The following ASZ1 variants were observed in gnomAD, a reference collection of about 807,000 sequenced individuals.
ASZ1 encodes ankyrin repeat, SAM and basic leucine zipper domain-containing protein 1.
Under a neutral mutation model 61.8 loss-of-function variants are expected in ASZ1, and 67 were observed. That is an observed-to-expected ratio of 1.08 (90% CI 0.89 to 1.33). ASZ1 has a LOEUF of 1.33. Among genes scored for constraint, ASZ1 ranks in the 40% most tolerant of loss-of-function variants. The pLI is 0.00. For synonymous variants in ASZ1, 193 were observed against 192.7 expected, an observed-to-expected ratio of 1.00 and a Z score of -0.01; for missense variants, 577 against 554.5, an observed-to-expected ratio of 1.04 and a Z score of -0.41.
At chr7:117,389,228 T>C (rs1232754798) in intron 4 of ASZ1, among the ~76,000 whole-genome samples, 2 of 151,966 alleles carry the variant, frequency 1.3e-5, no homozygotes, top group Admixed American at 6.6e-5. Flanking sequence ...AATGGGTATA[T>C]TGTGTGTTGC....
chr7:117,382,033 T>G, intron 8 of ASZ1, 36 bp downstream of exon 8: 2 of 1,265,052 alleles, frequency 1.6e-6, no homozygotes, highest in South Asian at 2.4e-5. Context: ...AATTAACATA[T>G]ATGCATAACT....
At chr7:117,393,355 G>A (rs1051733726) in intron 4 of ASZ1, among the ~76,000 whole-genome samples, 23 of 151,974 alleles carry the variant, frequency 1.5e-4, no homozygotes, top group Non-Finnish European at 3.1e-4. Context: ...CTTCAAATAT[G>A]ATTATAGATT....
chr7:117,416,169 G>C (rs1796987799), intron 4 of ASZ1, among the ~76,000 whole-genome samples: 1 of 152,128 alleles, frequency 6.6e-6, no homozygotes, highest in Admixed American at 6.6e-5. Flanking sequence ...CTGAGTGACA[G>C]AGCGAGACTC....
chr7:117,391,379 T>A (rs1176545472), intron 4 of ASZ1, among the ~76,000 whole-genome samples: 2 of 152,152 alleles, frequency 1.3e-5, no homozygotes, highest in African/African-American at 2.4e-5. Context: ...ATTCTTTGCA[T>A]AGGGTAAGGT....
At position 117,426,851 on chromosome 7, in the gene ASZ1, C is replaced by G; in HGVS notation, c.190G>C (p.Glu64Gln). The change falls in exon 2 of 13, where the codon GAG (glutamate) becomes CAG (glutamine). Residue 64 changes from glutamate to glutamine, a missense_variant. Transcript: ENST00000284629. ...TATCTCTCACCAGAATCTAGGAGCT[C>G]CTGGACCAATGAAACATCTCCGATG... ...MTIGDVSLVQELLDSGISVDS... is the reference protein window; with the variant it reads ...MTIGDVSLVQQLLDSGISVDS... 2 of 1,612,846 alleles carry G rather than the reference C, an allele frequency of 1.2e-6. No individual in the cohort carries two copies. Among genetic ancestry groups the G allele is most frequent in the Non-Finnish European group, 1.7e-6 (2 of 1,179,592 alleles).
intron 10 of ASZ1, among the ~76,000 whole-genome samples, chr7:117,375,840 G>A (rs1323808403): frequency 6.6e-6 from 1 of 151,982 alleles, no homozygotes; most frequent in Non-Finnish European, 1.5e-5. Context: ...AGTGCTGAGA[G>A]GGAAATGTAA....
At chr7:117,401,394 T>A (rs4730780) in intron 4 of ASZ1, among the ~76,000 whole-genome samples, 50,688 of 141,934 alleles carry the variant, frequency 0.36, 9,226 homozygotes, top group African/African-American at 0.51. Flanking sequence ...TTTTTTTTTT[T>A]AAAAAAAAAG....
intron 11 of ASZ1, 40 bp downstream of exon 11, chr7:117,368,572 T>C: frequency 1.3e-6 from 2 of 1,599,126 alleles, no homozygotes; most frequent in East Asian, 2.2e-5. Context: ...TGTTCTTCAG[T>C]GTTCATACTT....
Position 117,367,442 on chromosome 7 carries a change from G to A in ASZ1, c.1185C>T (p.Pro395=), listed in dbSNP as rs147994188. Residue 395 remains proline, a synonymous_variant, in exon 12 of 13, where the codon CCC becomes CCT. Coordinates refer to ENST00000284629, the MANE Select transcript of ASZ1 (RefSeq NM_130768.3). ...SQKITLEWAS[P]QNFTSVCEEL... ...CTTCACAAACTGAAGTAAAATTCTGGGGAGAAGCCCATTCCAGTGTTATCT... is the reference window on the plus strand; with the variant it reads ...CTTCACAAACTGAAGTAAAATTCTGAGGAGAAGCCCATTCCAGTGTTATCT... 3 of 1,542,048 alleles carry A rather than the reference G, an allele frequency of 1.9e-6. No individual in the cohort carries two copies. The highest frequency in any genetic ancestry group is 2.0e-5 in the Admixed American group (1 of 50,898).
intron 4 of ASZ1, among the ~76,000 whole-genome samples, chr7:117,418,170 A>G (rs1393594999): frequency 6.6e-6 from 1 of 152,172 alleles, no homozygotes; most frequent in East Asian, 1.9e-4. Context: ...GTCGGAAAAA[A>G]AGAAAGTGAA....
At chr7:117,365,935 T>C (rs961312276) in intron 12 of ASZ1, among the ~76,000 whole-genome samples, 4 of 152,238 alleles carry the variant, frequency 2.6e-5, no homozygotes, top group East Asian at 1.9e-4. Context: ...TTTTGTATAA[T>C]AGAATTTGCT....
chr7:117,395,373 T>G (rs912245652), intron 4 of ASZ1, among the ~76,000 whole-genome samples: 2 of 152,160 alleles, frequency 1.3e-5, no homozygotes, highest in African/African-American at 4.8e-5. Flanking sequence ...TCTTCCAGAA[T>G]TTTTAGAATC....
At chr7:117,427,082 C>T (rs925573462) in intron 1 of ASZ1, 147 bp from the exon 2 acceptor site, 20 of 987,814 alleles carry the variant, frequency 2.0e-5, no homozygotes, top group African/African-American at 4.9e-5. Flanking sequence ...GAATTCGTGT[C>T]GAAAATTATC....
At chr7:117,365,636 C>A (rs1449570059) in intron 12 of ASZ1, among the ~76,000 whole-genome samples, 1 of 152,162 alleles carries the variant, frequency 6.6e-6, no homozygotes, top group Non-Finnish European at 1.5e-5. Context: ...TGCTTCTAAA[C>A]TTCCCTGGGA....
chr7:117,385,811 T>C lies in ASZ1; in HGVS notation c.441-2A>G. ...TACATGATTGGGGTCATAAGTCTCCTAAGGAGGAGGAAGAAAGGAAACATT... is the reference window on the plus strand; with the variant it reads ...TACATGATTGGGGTCATAAGTCTCCCAAGGAGGAGGAAGAAAGGAAACATT... On this transcript the variant is annotated splice_acceptor_variant, in intron 4 of 12. Coordinates refer to ENST00000284629, the MANE Select transcript of ASZ1 (RefSeq NM_130768.3). LOFTEE classifies it high-confidence loss of function. The C allele has an allele frequency of 1.9e-6, 3 of 1,602,156 alleles. No individual in the cohort carries two copies. Among genetic ancestry groups the C allele is most frequent in the East Asian group, 2.2e-5 (1 of 44,784 alleles).
At chr7:117,413,634 A>G (rs1796938146) in intron 4 of ASZ1, among the ~76,000 whole-genome samples, 1 of 152,054 alleles carries the variant, frequency 6.6e-6, no homozygotes, top group African/African-American at 2.4e-5. Context: ...TTTTTACCAT[A>G]AGTCCCACAG....
chr7:117,374,228 C>T (rs545980355), intron 10 of ASZ1, among the ~76,000 whole-genome samples: 10 of 152,114 alleles, frequency 6.6e-5, no homozygotes, highest in African/African-American at 2.4e-4. Context: ...ATGTGAAAAT[C>T]TATTGTTTGT....
Position 117,385,814 on chromosome 7 carries a change from G to A in ASZ1, c.441-5C>T, listed in dbSNP as rs1476510510. ...ATGATTGGGGTCATAAGTCTCCTAA[G>A]GAGGAGGAAGAAAGGAAACATTTGT... On this transcript the variant is annotated splice_polypyrimidine_tract_variant and splice_region_variant and intron_variant, in intron 4 of 12. Coordinates refer to ENST00000284629, the MANE Select transcript of ASZ1 (RefSeq NM_130768.3). The A allele has an allele frequency of 2.5e-6, 4 of 1,597,304 alleles. No homozygotes were observed. The highest frequency in any genetic ancestry group is 1.7e-6 in the Non-Finnish European group (2 of 1,166,156).
At chr7:117,375,669 C>T (rs1213490475) in intron 10 of ASZ1, among the ~76,000 whole-genome samples, 1 of 151,946 alleles carries the variant, frequency 6.6e-6, no homozygotes, top group African/African-American at 2.4e-5. Flanking sequence ...AAATCGATAA[C>T]AGAAAAATCT....
Sources: gnomAD v4.1 joint callset for allele counts (sites outside exome capture counted in the v4.1 genomes callset) on GRCh38, gnomAD v4.1.1 for gene constraint, MANE v1.5 for transcripts, NCBI Gene and HGNC (gene_info 2026-07-23, HGNC 2026-07-21) for gene names.